UCHL5: variants seen among roughly 807,000 people sequenced by gnomAD.
The protein encoded by UCHL5 is ubiquitin C-terminal hydrolase L5.
Under a neutral mutation model 53.8 loss-of-function variants are expected in UCHL5, and 34 were observed. The ratio of observed to expected loss-of-function variants is 0.63; its 90% CI spans 0.48 to 0.84. The LOEUF (loss-of-function observed/expected upper bound fraction) is 0.84. UCHL5 is among the 40% of genes least tolerant of loss of function. UCHL5 has a pLI of 0.00. For missense variants in UCHL5, 290 were observed against 385.6 expected (o/e 0.75, Z 2.08); for synonymous variants, 111 against 126.3 (o/e 0.88, Z 0.81).
intron 10 of UCHL5, among the ~76,000 whole-genome samples, chr1:193,019,718 C>G (rs1656203901): frequency 6.6e-6 from 1 of 151,624 alleles, no homozygotes; most frequent in Admixed American, 6.6e-5. Context: ...TAACTATGCT[C>G]TCAAAAAAAT....
At chr1:193,059,400 C>T (rs1027745813), upstream of UCHL5, 3 of 1,609,612 alleles carry the variant, frequency 1.9e-6, no homozygotes, top group Non-Finnish European at 2.5e-6. The surrounding 1 kb of genome is among the most constrained non-coding windows in gnomAD (Gnocchi z 4.9). Context: ...CGACAGCCTC[C>T]GGGCGCCGTC....
At chr1:193,018,053 T>C (rs900386394) in intron 10 of UCHL5, among the ~76,000 whole-genome samples, 2 of 151,680 alleles carry the variant, frequency 1.3e-5, no homozygotes, top group Admixed American at 6.6e-5. Flanking sequence ...ACCAATGATA[T>C]TAAAAAGTAC....
intron 7 of UCHL5, 111 bp downstream of exon 7, chr1:193,027,973 GA>G (rs749245426): frequency 6.3e-4 from 862 of 1,363,216 alleles, no homozygotes; most frequent in East Asian, 1.6e-3. Context: ...AAATTAAAAA[GA>G]AAAAAAAAAG....
upstream of UCHL5, chr1:193,059,443 C>A: frequency 6.2e-7 from 1 of 1,610,160 alleles, no homozygotes; most frequent in Non-Finnish European, 8.5e-7. This position sits in a 1 kb window ranked among gnomAD's most constrained non-coding sequence, Gnocchi z 4.9. Context: ...GGAGGACGCT[C>A]TAGCCACCCT....
chr1:193,055,854 AAT>A (rs1362252617), intron 1 of UCHL5, among the ~76,000 whole-genome samples: 1 of 152,158 alleles, frequency 6.6e-6, no homozygotes, highest in African/African-American at 2.4e-5. Flanking sequence ...CTTTTCTAGT[AAT>A]ATCTTTGTCT....
At chr1:193,048,048 C>T (rs1341611629) in intron 3 of UCHL5, among the ~76,000 whole-genome samples, 1 of 152,144 alleles carries the variant, frequency 6.6e-6, no homozygotes, top group Non-Finnish European at 1.5e-5. Context: ...TAAAGAACTA[C>T]TGCTGTATAC....
At chr1:193,054,972 C>T (rs1193564134) in intron 1 of UCHL5, among the ~76,000 whole-genome samples, 1 of 152,160 alleles carries the variant, frequency 6.6e-6, no homozygotes, top group East Asian at 1.9e-4. Flanking sequence ...TCCAAGAAAG[C>T]CATCTAGTTT....
At chr1:193,029,796 T>C in intron 3 of UCHL5, 139 bp from the exon 4 acceptor site, 1 of 720,170 alleles carries the variant, frequency 1.4e-6, no homozygotes, top group Non-Finnish European at 2.1e-6. Flanking sequence ...ATAAATATGT[T>C]TAATTTCTAT....
chr1:193,032,676 A>G (rs1374970833), intron 3 of UCHL5, among the ~76,000 whole-genome samples: 1 of 152,244 alleles, frequency 6.6e-6, no homozygotes, highest in African/African-American at 2.4e-5. Flanking sequence ...AAACAAATGC[A>G]GAAGAAAAAA....
At chr1:193,024,556 A>G (rs1478976349) in intron 7 of UCHL5, among the ~76,000 whole-genome samples, 1 of 148,884 alleles carries the variant, frequency 6.7e-6, no homozygotes, top group Non-Finnish European at 1.5e-5. Context: ...TCTATTTTTA[A>G]TTTATATATT....
chr1:193,018,266 G>C (rs1358104166), intron 10 of UCHL5: 1 of 160,908 alleles, frequency 6.2e-6, no homozygotes, highest in Non-Finnish European at 1.3e-5. Flanking sequence ...CATAGCAATG[G>C]AATTTATGAT....
At chr1:193,022,883 C>T (rs964334055) in intron 9 of UCHL5, 43 bp downstream of exon 9, 1 of 1,344,822 alleles carries the variant, frequency 7.4e-7, no homozygotes, top group Non-Finnish European at 1.1e-6. Flanking sequence ...AAATATACTG[C>T]TCTATATTAA....
chr1:193,029,507 T>C, intron 4 of UCHL5, 25 bp downstream of exon 4: 7 of 1,612,878 alleles, frequency 4.3e-6, no homozygotes, highest in Non-Finnish European at 5.9e-6. Flanking sequence ...ATATGACATT[T>C]TAGGAATAAG....
chr1:193,031,562 GTCT>G (rs1403481634), intron 3 of UCHL5, among the ~76,000 whole-genome samples: 2 of 152,078 alleles, frequency 1.3e-5, no homozygotes, highest in African/African-American at 4.8e-5. Flanking sequence ...TGAGAATATT[GTCT>G]TCAAGTTTTA....
intron 7 of UCHL5, chr1:193,027,881 G>A: frequency 6.8e-7 from 1 of 1,467,376 alleles, no homozygotes; most frequent in South Asian, 1.2e-5. Flanking sequence ...CTACCACTTT[G>A]GGAGGTCGAG....
intron 7 of UCHL5, among the ~76,000 whole-genome samples, chr1:193,025,803 T>A (rs1658980486): frequency 6.6e-6 from 1 of 152,178 alleles, no homozygotes; most frequent in Non-Finnish European, 1.5e-5. Flanking sequence ...AAGATTATAC[T>A]AAAATTTATA....
intron 1 of UCHL5, among the ~76,000 whole-genome samples, chr1:193,052,960 G>A (rs1217764456): frequency 6.6e-6 from 1 of 152,000 alleles, no homozygotes; most frequent in East Asian, 1.9e-4. Flanking sequence ...AAAAACAGTG[G>A]TTAAAAAAGA....
chr1:193,058,398 A>G (rs533309442), intron 1 of UCHL5, among the ~76,000 whole-genome samples: 34 of 152,372 alleles, frequency 2.2e-4, no homozygotes, highest in Middle Eastern at 3.4e-3. Flanking sequence ...CGTAGAGTCA[A>G]TAACACTTGG....
At chr1:193,058,708 C>A (rs528621232) in intron 1 of UCHL5, among the ~76,000 whole-genome samples, 16 of 152,358 alleles carry the variant, frequency 1.1e-4, no homozygotes, top group African/African-American at 3.8e-4. Context: ...CTTTGAATAA[C>A]CAGAATCTCG....
Sources: gnomAD v4.1 joint callset for allele counts (sites outside exome capture counted in the v4.1 genomes callset) on GRCh38, gnomAD v4.1.1 for gene constraint, Gnocchi (gnomAD v3.1) non-coding constraint, MANE v1.5 for transcripts, NCBI Gene and HGNC (gene_info 2026-07-23, HGNC 2026-07-21) for gene names.